GPC6: variants seen among roughly 807,000 people sequenced by gnomAD.
GPC6 encodes the protein glypican-6.
GPC6 carries 14 observed loss-of-function variants against 55.2 expected under a neutral mutation model. The ratio of observed to expected loss-of-function variants is 0.25; its 90% CI spans 0.17 to 0.40. GPC6 has a LOEUF of 0.40. Ranked by LOEUF, GPC6 falls within the 10% of genes least tolerant of loss-of-function variation. The probability of loss-of-function intolerance (pLI) is 1.00; values close to 1 mark genes in which losing one functional copy is unlikely to be tolerated. For synonymous variants in GPC6, 278 were observed against 259.6 expected (o/e 1.07, Z -0.68); for missense variants, 641 against 708.5 (o/e 0.90, Z 1.08).
At chr13:94,038,280 T>C (rs191668543) in intron 4 of GPC6, among the ~76,000 whole-genome samples, 2 of 151,980 alleles carry the variant, frequency 1.3e-5, no homozygotes. Flanking sequence ...ACATCTATAA[T>C]TTGCTTGACA....
At chr13:93,490,653 G>C (rs1344487424) in intron 1 of GPC6, among the ~76,000 whole-genome samples, 5 of 114,826 alleles carry the variant, frequency 4.4e-5, no homozygotes, top group Admixed American at 9.0e-5. Context: ...ATATCTCCCA[G>C]TGCTATCCCT....
intron 2 of GPC6, among the ~76,000 whole-genome samples, chr13:93,809,775 T>G (rs1488531954): frequency 6.6e-6 from 1 of 152,162 alleles, no homozygotes; most frequent in Non-Finnish European, 1.5e-5. Flanking sequence ...CTATACTTTC[T>G]AGGTAGTAAC....
intron 3 of GPC6, among the ~76,000 whole-genome samples, chr13:93,876,094 A>G (rs564919314): frequency 6.6e-6 from 1 of 152,028 alleles, no homozygotes; most frequent in Non-Finnish European, 1.5e-5. Context: ...AGCTTGTGTC[A>G]GCTGGAATTA....
intron 3 of GPC6, among the ~76,000 whole-genome samples, chr13:93,898,440 A>T (rs1034653945): frequency 6.6e-6 from 1 of 152,132 alleles, no homozygotes; most frequent in African/African-American, 2.4e-5. Flanking sequence ...TGCCTTGGTG[A>T]TGTTTACTTG....
intron 4 of GPC6, among the ~76,000 whole-genome samples, chr13:94,060,894 A>G (rs979739170): frequency 6.6e-6 from 1 of 152,218 alleles, no homozygotes; most frequent in African/African-American, 2.4e-5. Context: ...GTTGAAAGTA[A>G]TTGTACATGC....
intron 1 of GPC6, among the ~76,000 whole-genome samples, chr13:93,341,760 A>T (rs1880263411): frequency 4.7e-5 from 6 of 127,554 alleles, no homozygotes; most frequent in East Asian, 2.3e-4. Flanking sequence ...CCATTTATTT[A>T]TTTTTGTGTT....
At chr13:94,283,908 G>A (rs1036505647) in intron 4 of GPC6, among the ~76,000 whole-genome samples, 2 of 152,194 alleles carry the variant, frequency 1.3e-5, no homozygotes, top group African/African-American at 4.8e-5. Flanking sequence ...TCTGGAGTAA[G>A]TTATGCTATG....
intron 1 of GPC6, among the ~76,000 whole-genome samples, chr13:93,496,316 C>G (rs926373869): frequency 2.6e-5 from 4 of 152,198 alleles, no homozygotes; most frequent in Admixed American, 1.3e-4. Context: ...CTTTCTTTGA[C>G]TCGGAAAAGG....
chr13:93,677,895 A>G (rs1237073370), intron 2 of GPC6, among the ~76,000 whole-genome samples: 1 of 152,120 alleles, frequency 6.6e-6, no homozygotes, highest in African/African-American at 2.4e-5. Context: ...TATGTAACTA[A>G]TTGCATTTGT....
At chr13:94,078,165 C>A (rs1280148685) in intron 4 of GPC6, among the ~76,000 whole-genome samples, 1 of 151,610 alleles carries the variant, frequency 6.6e-6, no homozygotes, top group African/African-American at 2.4e-5. Context: ...TTTGAGCGAC[C>A]AATGGGACCA....
intron 2 of GPC6, among the ~76,000 whole-genome samples, chr13:93,761,999 A>G (rs774196100): frequency 3.9e-5 from 6 of 152,092 alleles, no homozygotes; most frequent in Non-Finnish European, 8.8e-5. Context: ...CATTTTCACC[A>G]GTGTCTTTCC....
At chr13:93,287,776 T>G (rs1251803218) in intron 1 of GPC6, among the ~76,000 whole-genome samples, 2 of 152,222 alleles carry the variant, frequency 1.3e-5, no homozygotes, top group Admixed American at 1.3e-4. Context: ...CACAGTTAAA[T>G]GATATATTAA....
At chr13:93,595,938 C>T (rs2139515053) in intron 2 of GPC6, among the ~76,000 whole-genome samples, 1 of 152,214 alleles carries the variant, frequency 6.6e-6, no homozygotes, top group Middle Eastern at 3.4e-3. Flanking sequence ...TTAAGACTTA[C>T]TAAATCTATT....
Position 94,112,492 on chromosome 13 carries a change from G to A in GPC6, c.877+84598G>A, listed in dbSNP as rs574128858. Among the ~76,000 whole-genome samples the A allele has an allele frequency of 4.8e-4, 73 of 152,196 alleles. 1 individual carries two copies. Among genetic ancestry groups the A allele is most frequent in the African/African-American group, 1.7e-3 (69 of 41,528 alleles). On this transcript the variant is annotated intron_variant, in intron 4 of 8. Coordinates refer to ENST00000377047, the MANE Select transcript of GPC6 (RefSeq NM_005708.5). ...AACAGCTATCAGATTGACTCACTTT[G>A]AACTCCTTAAAACTTATGTTACACA...
intron 3 of GPC6, among the ~76,000 whole-genome samples, chr13:93,844,565 T>C (rs902570069): frequency 6.6e-6 from 1 of 151,394 alleles, no homozygotes; most frequent in Admixed American, 6.6e-5. Context: ...GATGAGTAGG[T>C]TGCGAAAATT....
intron 1 of GPC6, among the ~76,000 whole-genome samples, chr13:93,416,249 C>A (rs1406937263): frequency 1.3e-5 from 2 of 152,094 alleles, no homozygotes; most frequent in East Asian, 3.9e-4. Flanking sequence ...AATTTTCCAA[C>A]AACTTGTGAA....
At chr13:94,159,066 T>C (rs1888066048) in intron 4 of GPC6, among the ~76,000 whole-genome samples, 3 of 152,124 alleles carry the variant, frequency 2.0e-5, no homozygotes. Context: ...GAGACATCTA[T>C]GCTGATATAC....
intron 2 of GPC6, among the ~76,000 whole-genome samples, chr13:93,786,088 C>T (rs1021614418): frequency 6.6e-6 from 1 of 152,104 alleles, no homozygotes; most frequent in Non-Finnish European, 1.5e-5. Flanking sequence ...TGACTTAAGG[C>T]CTCCTTGGTC....
intron 2 of GPC6, among the ~76,000 whole-genome samples, chr13:93,546,734 G>A (rs978808411): frequency 1.3e-5 from 2 of 152,166 alleles, no homozygotes; most frequent in South Asian, 4.1e-4. Flanking sequence ...TCTGTGTTTG[G>A]AGGACTACAC....
Sources: gnomAD v4.1 joint callset for allele counts (sites outside exome capture counted in the v4.1 genomes callset) on GRCh38, gnomAD v4.1.1 for gene constraint, MANE v1.5 for transcripts, NCBI Gene and HGNC (gene_info 2026-07-23, HGNC 2026-07-21) for gene names.